Variants in SOS2 observed in about 807,000 individuals in gnomAD.
The protein encoded by SOS2 is SOS Ras/Rho guanine nucleotide exchange factor 2, also known as son of sevenless homolog 2.
A neutral mutation model predicts 148.2 loss-of-function variants in SOS2; 65 were observed. The observed-to-expected ratio is 0.44, with a 90% CI of 0.36 to 0.54. The LOEUF (loss-of-function observed/expected upper bound fraction) is 0.54, where lower values mean the gene tolerates loss of function less well. SOS2 is among the 20% of genes least tolerant of loss of function. The probability of loss-of-function intolerance (pLI) is 0.00; values close to 1 mark genes in which losing one functional copy is unlikely to be tolerated. For synonymous variants in SOS2, 539 were observed against 537.1 expected (o/e 1.00, Z -0.05); for missense variants, 1,341 against 1,590.2 (o/e 0.84, Z 2.67).
chr14:50,227,951 T>G (rs1887430151), intron 1 of SOS2, among the ~76,000 whole-genome samples: 1 of 152,152 alleles, frequency 6.6e-6, no homozygotes, highest in African/African-American at 2.4e-5. Flanking sequence ...TTCAGTACAG[T>G]GCTATGCTTG....
intron 5 of SOS2, among the ~76,000 whole-genome samples, chr14:50,183,225 C>T (rs1279996692): frequency 6.6e-6 from 1 of 152,012 alleles, no homozygotes; most frequent in Admixed American, 6.6e-5. Context: ...GAGGTAGAAA[C>T]TATTAATAGT....
At chr14:50,134,281 T>C in intron 18 of SOS2, 42 bp from the exon 19 acceptor site, 1 of 896,580 alleles carries the variant, frequency 1.1e-6, no homozygotes. Flanking sequence ...ATAGTAAGTA[T>C]ATATTTTAGA....
chr14:50,201,516 A>T (rs1886487272), intron 2 of SOS2, among the ~76,000 whole-genome samples: 1 of 126,332 alleles, frequency 7.9e-6, no homozygotes, highest in Non-Finnish European at 1.6e-5. Flanking sequence ...CCTGGGTGAG[A>T]GGGAGACCCC....
chr14:50,119,735 C>T (rs542313417), intron 22 of SOS2, among the ~76,000 whole-genome samples: 4 of 149,598 alleles, frequency 2.7e-5, no homozygotes, highest in African/African-American at 9.8e-5. Flanking sequence ...AGGGTTTCAC[C>T]ATATTGGCCA....
At chr14:50,170,081 A>G (rs1009478739) in intron 8 of SOS2, among the ~76,000 whole-genome samples, 2 of 149,790 alleles carry the variant, frequency 1.3e-5, no homozygotes, top group African/African-American at 2.5e-5. Context: ...ATGCACCACT[A>G]TGTCCAGCTA....
At chr14:50,161,398 A>C in intron 9 of SOS2, 84 bp downstream of exon 9, 1 of 1,063,650 alleles carries the variant, frequency 9.4e-7, no homozygotes, top group Non-Finnish European at 1.4e-6. Context: ...TAACTATCAC[A>C]ATAAATCACA....
intron 1 of SOS2, among the ~76,000 whole-genome samples, chr14:50,223,026 A>G (rs1887244366): frequency 6.6e-6 from 1 of 152,236 alleles, no homozygotes; most frequent in South Asian, 2.1e-4. Context: ...AACGGTAACT[A>G]AATATATAGT....
chr14:50,226,658 T>C (rs1439110036), intron 1 of SOS2, among the ~76,000 whole-genome samples: 1 of 152,172 alleles, frequency 6.6e-6, no homozygotes, highest in Non-Finnish European at 1.5e-5. Context: ...ACAAAGTAAT[T>C]CAACCAATTC....
intron 1 of SOS2, among the ~76,000 whole-genome samples, chr14:50,212,441 T>A (rs1886905669): frequency 6.6e-6 from 1 of 152,180 alleles, no homozygotes; most frequent in African/African-American, 2.4e-5. Context: ...GCCACTGCAC[T>A]CCAGCCTGGC....
At chr14:50,209,614 CCAGATGTGGTGG>C (rs1364051026) in intron 1 of SOS2, among the ~76,000 whole-genome samples, 6 of 151,856 alleles carry the variant, frequency 4.0e-5, no homozygotes, top group Admixed American at 3.9e-4. Context: ...AAAAAATTAG[CCAGATGTGGTGG>C]CACGCAACTG....
At chr14:50,171,123 A>AG (rs1885348611) in intron 8 of SOS2, among the ~76,000 whole-genome samples, 1 of 151,686 alleles carries the variant, frequency 6.6e-6, no homozygotes, top group Admixed American at 6.6e-5. Flanking sequence ...TCAAAAAAAA[A>AG]AAAGAAAAAG....
intron 14 of SOS2, among the ~76,000 whole-genome samples, chr14:50,147,756 T>C (rs915115247): frequency 1.3e-5 from 2 of 152,220 alleles, no homozygotes; most frequent in Non-Finnish European, 2.9e-5. Context: ...ATTTTTTGAA[T>C]GCCTGAGTAT....
At position 50,157,092 on chromosome 14, in the gene SOS2, T is replaced by C. The variant is rs1884846243; in HGVS notation, c.1964A>G (p.Asp655Gly). 1.2e-6 allele frequency: 2 copies of C among 1,612,530 alleles called. No homozygotes were observed. The highest frequency in any genetic ancestry group is 1.7e-6 in the Non-Finnish European group (2 of 1,178,968). The change falls in exon 12 of 23, where the codon GAC (aspartate) becomes GGC (glycine). Residue 655 changes from aspartate (D) to glycine (G), a missense_variant. Transcript: ENST00000216373. The part of the protein sequence containing the change: ...RFEIPEPEPT[D>G]ADKLAIEKGE... Reference sequence around the variant, plus strand: ...TTTCTCTATTGCCAATTTGTCTGCGTCAGTAGGTTCTGGCTCTGGAATTTC... The same window carrying C: ...TTTCTCTATTGCCAATTTGTCTGCGCCAGTAGGTTCTGGCTCTGGAATTTC...
intron 1 of SOS2, 35 bp from the exon 2 acceptor site, chr14:50,204,444 A>G (rs1422537673): frequency 2.3e-6 from 3 of 1,311,718 alleles, no homozygotes; most frequent in Non-Finnish European, 2.1e-6. Context: ...AGTAATGGCA[A>G]AATAATATAA....
intron 1 of SOS2, among the ~76,000 whole-genome samples, chr14:50,214,706 T>TC (rs199726904): frequency 5.3e-5 from 8 of 150,746 alleles, no homozygotes; most frequent in African/African-American, 7.3e-5. Flanking sequence ...GTTTCTTTTT[T>TC]TTTTTTTTTT....
chr14:50,187,006 A>G (rs1433518685), intron 5 of SOS2, among the ~76,000 whole-genome samples: 1 of 152,188 alleles, frequency 6.6e-6, no homozygotes, highest in Non-Finnish European at 1.5e-5. Flanking sequence ...GATAAATAAG[A>G]CAAAGGCTAA....
At chr14:50,229,120 C>G (rs117376903) in intron 1 of SOS2, among the ~76,000 whole-genome samples, 3,144 of 152,122 alleles carry the variant, frequency 0.021, 69 homozygotes, top group Non-Finnish European at 0.026. Context: ...AAAGAGTGAA[C>G]CTTTAGCTCC....
intron 8 of SOS2, among the ~76,000 whole-genome samples, chr14:50,162,739 A>C (rs1049685991): frequency 6.6e-6 from 1 of 152,132 alleles, no homozygotes; most frequent in African/African-American, 2.4e-5. Context: ...ATTCTATCTC[A>C]ATCTTTAGAA....
chr14:50,185,691 C>CA (rs1374798483), intron 5 of SOS2, among the ~76,000 whole-genome samples: 948 of 82,952 alleles, frequency 0.011, 6 homozygotes, highest in African/African-American at 0.029. Context: ...GACTCTGTCT[C>CA]AAAAAAAAAA....
Sources: gnomAD v4.1 joint callset for allele counts (sites outside exome capture counted in the v4.1 genomes callset) on GRCh38, gnomAD v4.1.1 for gene constraint, MANE v1.5 for transcripts, NCBI Gene and HGNC (gene_info 2026-07-23, HGNC 2026-07-21) for gene names.